The following WHRN variants were observed in gnomAD, a reference collection of about 807,000 sequenced individuals.
The protein encoded by WHRN is whirlin.
WHRN carries 41 observed loss-of-function variants against 68.3 expected under a neutral mutation model. That is an observed-to-expected ratio of 0.60 (90% CI 0.47 to 0.78). The LOEUF (loss-of-function observed/expected upper bound fraction) is 0.78, where lower values mean the gene tolerates loss of function less well. Among genes scored for constraint, WHRN ranks in the 30% least tolerant of loss-of-function variants. The probability of loss-of-function intolerance (pLI) is 0.00; values close to 1 mark genes in which losing one functional copy is unlikely to be tolerated. For synonymous variants in WHRN, 560 were observed against 561.3 expected (o/e 1.00, Z 0.03); for missense variants, 1,243 against 1,244.7 (o/e 1.00, Z 0.02).
intron 6 of WHRN, among the ~76,000 whole-genome samples, chr9:114,423,950 G>C (rs915729368): frequency 4.6e-5 from 7 of 152,194 alleles, no homozygotes; most frequent in African/African-American, 1.2e-4. Flanking sequence ...GTTTGGAGCA[G>C]AGTTCTCAAA....
rs1466978390 is a variant in WHRN at position 114,404,040 on chromosome 9, C to G, written c.2274G>C (p.Gln758His). The change falls in exon 10 of 12, where the codon CAG becomes CAC. Residue 758 changes from glutamine to histidine, a missense_variant. Physicochemically the swap from Gln to His is conservative, Grantham distance 24 (BLOSUM62 0). Transcript: ENST00000362057. Reference sequence around the variant, plus strand: ...CCACACCACTGTCCTCGCTTAGAGTCTGCCCGCTGTCCGAGAGCTGGGAGA... The same window carrying G: ...CCACACCACTGTCCTCGCTTAGAGTGTGCCCGCTGTCCGAGAGCTGGGAGA... ...STLSQLSDSG[Q>H]TLSEDSGVDA... 5.6e-6 allele frequency: 9 copies of G among 1,613,462 alleles called. No individual in the cohort carries two copies. Among genetic ancestry groups the G allele is most frequent in the Non-Finnish European group, 6.8e-6 (8 of 1,180,032 alleles).
chr9:114,428,288 T>C (rs1180014521), intron 3 of WHRN, among the ~76,000 whole-genome samples: 1 of 152,190 alleles, frequency 6.6e-6, no homozygotes, highest in African/African-American at 2.4e-5. Context: ...ATCGTGCCAC[T>C]GCACTCCAGC....
intron 1 of WHRN, among the ~76,000 whole-genome samples, chr9:114,493,441 G>A (rs1020015187): frequency 2.0e-5 from 3 of 151,204 alleles, no homozygotes; most frequent in Admixed American, 2.0e-4. Flanking sequence ...TATTCCATTT[G>A]TTTCCTATGA....
At chr9:114,463,733 A>G (rs1037934383) in intron 3 of WHRN, among the ~76,000 whole-genome samples, 1 of 152,222 alleles carries the variant, frequency 6.6e-6, no homozygotes, top group African/African-American at 2.4e-5. Context: ...ATATTATCAG[A>G]TTATTTCCCC....
At chr9:114,407,343 C>CA (rs1464593460) in intron 8 of WHRN, among the ~76,000 whole-genome samples, 4 of 152,130 alleles carry the variant, frequency 2.6e-5, no homozygotes, top group Non-Finnish European at 5.9e-5. Context: ...TATGTGGCCC[C>CA]AGGCAAGGCA....
At chr9:114,422,534 G>C (rs984271148) in intron 7 of WHRN, among the ~76,000 whole-genome samples, 2 of 152,202 alleles carry the variant, frequency 1.3e-5, no homozygotes, top group Non-Finnish European at 2.9e-5. Context: ...TGGTGAGTCT[G>C]CAAGAGAGTC....
At position 114,402,752 on chromosome 9, in the gene WHRN, C is replaced by T. The variant is rs756818813; in HGVS notation, c.*2G>A. ...TGGTGGGAGGCCCTCAGGCCTTGGC[C>T]TCTAGAGCATCACATTGAACTCAGT... On this transcript the variant is annotated 3_prime_UTR_variant, in exon 12 of 12. Coordinates refer to ENST00000362057, the MANE Select transcript of WHRN (RefSeq NM_015404.4). 1.2e-6 allele frequency: 2 copies of T among 1,613,836 alleles called. No individual in the cohort carries two copies. The highest frequency in any genetic ancestry group is 1.7e-6 in the Non-Finnish European group (2 of 1,180,032).
intron 3 of WHRN, among the ~76,000 whole-genome samples, chr9:114,460,039 G>C (rs1442753397): frequency 1.3e-5 from 2 of 152,208 alleles, no homozygotes; most frequent in Non-Finnish European, 1.5e-5. Flanking sequence ...TGGTCCCCAG[G>C]AGCAGAAATG....
At chr9:114,447,189 C>G (rs1197722215) in intron 3 of WHRN, among the ~76,000 whole-genome samples, 1 of 152,184 alleles carries the variant, frequency 6.6e-6, no homozygotes, top group Admixed American at 6.5e-5. Flanking sequence ...AGATCCACTT[C>G]CTCTCTGCAG....
intron 3 of WHRN, among the ~76,000 whole-genome samples, chr9:114,456,615 G>A (rs1365931639): frequency 6.6e-6 from 1 of 152,052 alleles, no homozygotes; most frequent in Admixed American, 6.5e-5. Context: ...ATCACTTGAG[G>A]TGGGGAGTTT....
At chr9:114,501,168 ACT>A (rs1843888229) in intron 1 of WHRN, among the ~76,000 whole-genome samples, 1 of 151,874 alleles carries the variant, frequency 6.6e-6, no homozygotes, top group Non-Finnish European at 1.5e-5. Flanking sequence ...TGGTCTGTGG[ACT>A]CTCTGGCCAA....
At chr9:114,444,489 T>C (rs1426811793) in intron 3 of WHRN, among the ~76,000 whole-genome samples, 1 of 151,914 alleles carries the variant, frequency 6.6e-6, no homozygotes. Flanking sequence ...AAAACCAATA[T>C]AATGACATAG....
Position 114,452,165 on chromosome 9 carries a change from G to A in WHRN, c.963+14102C>T, listed in dbSNP as rs73656107. On this transcript the variant is annotated intron_variant, in intron 3 of 11. Coordinates refer to ENST00000362057, the MANE Select transcript of WHRN (RefSeq NM_015404.4). ...AAAAAATGTATCATTACTGTTTCCT[G>A]TTATCACCACTACCCTCATGCTGCT... Among the ~76,000 whole-genome samples the A allele has an allele frequency of 9.4e-3, 1,430 of 152,292 alleles. 21 individuals are homozygous for A. Among genetic ancestry groups the A allele is most frequent in the African/African-American group, 0.033 (1,367 of 41,570 alleles).
chr9:114,403,346 G>A lies in WHRN; in HGVS notation c.2419-7C>T. The stretch of plus-strand genomic sequence containing the variant: ...TGGGCTCCAGAAGTCCAGGCTGTGG[G>A]TATTAGGAAGGACACCACTGAGGCC... On this transcript the variant is annotated splice_polypyrimidine_tract_variant and splice_region_variant and intron_variant, in intron 10 of 11. Coordinates refer to ENST00000362057, the MANE Select transcript of WHRN (RefSeq NM_015404.4). 1 of 1,613,942 alleles carries A rather than the reference G, an allele frequency of 6.2e-7. No individual in the cohort carries two copies.
In WHRN at chr9:114,426,403, T is replaced by C; in HGVS notation, c.974A>G (p.Gln325Arg). 6.2e-7 allele frequency: 1 copy of C among 1,613,524 alleles called. No homozygotes were observed. Among genetic ancestry groups the C allele is most frequent in the Non-Finnish European group, 8.5e-7 (1 of 1,179,904 alleles). ...AEGSGLKVGD[Q>R]ILEVNGRSFL... ...GCTCCGCCCATTCACTTCTAGAATC[T>C]GGTCCCCAACCTGCCAAGATCACCA... The change falls in exon 4 of 12, where the codon CAG (glutamine) becomes CGG (arginine). Residue 325 changes from glutamine to arginine, a missense_variant. Gln to Arg is a conservative substitution (Grantham distance 43, BLOSUM62 1). Transcript: ENST00000362057.
chr9:114,503,286 T>A (rs1477833764), intron 1 of WHRN: 1 of 780,914 alleles, frequency 1.3e-6, no homozygotes, highest in Admixed American at 6.2e-5. Flanking sequence ...AAGCAGAGCA[T>A]GTGTCCCTTT....
At chr9:114,450,521 G>A (rs1014461266) in intron 3 of WHRN, among the ~76,000 whole-genome samples, 38 of 152,226 alleles carry the variant, frequency 2.5e-4, no homozygotes, top group African/African-American at 7.9e-4. Context: ...TCCACCTTCT[G>A]AGCCTCAAGC....
intron 2 of WHRN, among the ~76,000 whole-genome samples, chr9:114,466,676 A>G (rs1840727942): frequency 6.6e-6 from 1 of 152,140 alleles, no homozygotes; most frequent in Non-Finnish European, 1.5e-5. Flanking sequence ...GGATCCCCTC[A>G]GGGCCAACAC....
chr9:114,431,793 G>A lies in WHRN; in HGVS notation c.964-5380C>T, dbSNP rs534986364. On this transcript the variant is annotated intron_variant, in intron 3 of 11. Transcript: ENST00000362057. ...TAGAGGCAAAGATGCTGTATCCATC[G>A]GGGCCTTCCAAGGCGTCTCTTATAG... 1.1e-4 allele frequency among the ~76,000 whole-genome samples: 16 copies of A among 152,264 alleles called. No homozygotes were observed. The South Asian group carries it at 1.5e-3, about 14-fold the overall frequency.
Sources: allele counts gnomAD v4.1 joint callset (sites outside exome capture counted in the v4.1 genomes callset), GRCh38; gene constraint gnomAD v4.1.1; transcripts MANE v1.5; gene names NCBI Gene and HGNC (gene_info 2026-07-23, HGNC 2026-07-21).